Variants in RHEX observed in about 807,000 individuals in gnomAD.
The protein encoded by RHEX is regulator of hemoglobinization and erythroid cell expansion protein.
Under a neutral mutation model 20.1 loss-of-function variants are expected in RHEX, and 18 were observed. The observed-to-expected ratio is 0.90, with a 90% CI of 0.62 to 1.33. RHEX has a LOEUF of 1.33. Among genes scored for constraint, RHEX ranks in the 40% most tolerant of loss-of-function variants. The pLI, the probability that RHEX is intolerant of heterozygous loss-of-function variation, is 0.00. For missense variants in RHEX, 192 were observed against 214.3 expected (o/e 0.90, Z 0.65); for synonymous variants, 87 against 77.1 (o/e 1.13, Z -0.67).
intron 1 of RHEX, among the ~76,000 whole-genome samples, chr1:206,088,478 T>C (rs1329954292): frequency 1.3e-5 from 2 of 151,938 alleles, no homozygotes; most frequent in African/African-American, 2.4e-5. Context: ...AGGCCAGGAG[T>C]TCGAGACCAG....
rs531968000 is a variant in RHEX at position 206,055,169 on chromosome 1, A to G, written c.-97+1904A>G. Among the ~76,000 whole-genome samples the G allele has an allele frequency of 5.2e-5, 8 of 152,386 alleles. No individual in the cohort carries two copies. The East Asian group carries it at 1.2e-3, about 22-fold the overall frequency. On this transcript the variant is annotated intron_variant, in intron 1 of 5. Transcript: ENST00000331555. ...TAAGTCATGCCAAGCTCTCTCTGCT[A>G]TATCCCAAAGTCCCTGCGGGTCAGC...
At position 206,101,899 on chromosome 1, in the gene RHEX, T is replaced by G; in HGVS notation, c.466T>G (p.Phe156Val). 1 of 1,611,812 alleles carries G rather than the reference T, an allele frequency of 6.2e-7. No individual in the cohort carries two copies. ...PERHKPSFWY[F>V]VNPALSEPAE... Reference sequence around the variant, plus strand: ...AAGACACAAGCCCAGTTTCTGGTATTTTGTCAACCCTGCTCTGTCTGAGCC... The same window carrying G: ...AAGACACAAGCCCAGTTTCTGGTATGTTGTCAACCCTGCTCTGTCTGAGCC... Residue 156 changes from phenylalanine (F) to valine (V), a missense_variant, in exon 6 of 6, where the codon TTT becomes GTT. By Grantham distance (50) the Phe-to-Val change is conservative. Coordinates refer to ENST00000331555, the MANE Select transcript of RHEX (RefSeq NM_001007544.4).
intron 1 of RHEX, among the ~76,000 whole-genome samples, chr1:206,086,431 C>A (rs61815544): frequency 0.011 from 1,694 of 152,240 alleles, 16 homozygotes; most frequent in Non-Finnish European, 0.015. Flanking sequence ...CAACCTCCCA[C>A]CCCTGCCTTT....
intron 1 of RHEX, among the ~76,000 whole-genome samples, chr1:206,081,447 A>T (rs1260930967): frequency 6.6e-6 from 1 of 152,212 alleles, no homozygotes; most frequent in Admixed American, 6.5e-5. Context: ...TTACAATGAG[A>T]TATAAGAAAA....
chr1:206,093,619 A>C (rs1553287321), intron 1 of RHEX, among the ~76,000 whole-genome samples: 1 of 152,032 alleles, frequency 6.6e-6, no homozygotes, highest in East Asian at 1.9e-4. Context: ...ATCTTGTTTT[A>C]AACCGTTCTT....
At position 206,099,681 on chromosome 1, in the gene RHEX, G is replaced by A. The variant is rs115353955; in HGVS notation, c.139G>A (p.Ala47Thr). 2.0e-3 allele frequency: 3,273 copies of A among 1,614,080 alleles called. 63 individuals are homozygous for A. The African/African-American group carries it at 0.038, about 19-fold the overall frequency. ...MAHKSEQILK[A>T]ASLQVPRPSP... is the part of the protein sequence containing the mutation. ...CCACAAGAGTGAACAGATACTGAAAGCGGCCAGTCTCCAGGTTCCCAGGCC... is the reference window on the plus strand; with the variant it reads ...CCACAAGAGTGAACAGATACTGAAAACGGCCAGTCTCCAGGTTCCCAGGCC... The change falls in exon 4 of 6, where the codon GCG becomes ACG. Residue 47 changes from alanine to threonine, a missense_variant. Transcript: ENST00000331555.
intron 1 of RHEX, among the ~76,000 whole-genome samples, chr1:206,055,367 G>A (rs1553282458): frequency 6.6e-6 from 1 of 152,256 alleles, no homozygotes; most frequent in Non-Finnish European, 1.5e-5. Context: ...ATGTGTGATG[G>A]TATTGTCGTG....
intron 1 of RHEX, among the ~76,000 whole-genome samples, chr1:206,081,734 T>C (rs1204699603): frequency 5.3e-5 from 8 of 152,218 alleles, no homozygotes; most frequent in African/African-American, 1.7e-4. Context: ...CCTATGATCT[T>C]GTGAATCTTG....
chr1:206,072,201 A>C (rs937041933), intron 1 of RHEX, among the ~76,000 whole-genome samples: 26 of 152,348 alleles, frequency 1.7e-4, no homozygotes, highest in African/African-American at 5.3e-4. Flanking sequence ...AAGAAAGGAC[A>C]CATTCAATGT....
intron 1 of RHEX, among the ~76,000 whole-genome samples, chr1:206,070,681 G>C (rs1662508166): frequency 6.6e-6 from 1 of 152,160 alleles, no homozygotes; most frequent in African/African-American, 2.4e-5. Context: ...CTGGCGCCTG[G>C]TGACCATAAA....
rs1280931223 is a variant in RHEX at position 206,067,710 on chromosome 1, C to T, written c.-97+14445C>T. On this transcript the variant is annotated intron_variant, in intron 1 of 5. Coordinates refer to ENST00000331555, the MANE Select transcript of RHEX (RefSeq NM_001007544.4). The surrounding 1 kb of genome is among the most constrained non-coding windows in gnomAD (Gnocchi z 4.6). ...AGCACAACCTCATTCTGCACATACC[C>T]CCTCCAGTACAACCCTAGAAAACTT... 7.9e-5 allele frequency among the ~76,000 whole-genome samples: 12 copies of T among 152,186 alleles called. 1 individual carries two copies. The highest frequency in any genetic ancestry group is 1.8e-4 in the Non-Finnish European group (12 of 68,028).
Position 206,102,383 on chromosome 1 carries a change from G to C in RHEX, c.*431G>C, listed in dbSNP as rs1663210770. ...TCTCATGGTTAAATGACTTCCCTTT[G>C]AGCTCTTTAATTATTGGCAATAAAC... is the stretch of plus-strand genomic sequence containing the variant. On this transcript the variant is annotated 3_prime_UTR_variant, in exon 6 of 6. Transcript: ENST00000331555. 6.1e-6 allele frequency: 1 copy of C among 164,466 alleles called. No individual in the cohort carries two copies. Among genetic ancestry groups the C allele is most frequent in the African/African-American group, 2.4e-5 (1 of 41,678 alleles). The allele number at this position is 164,466 out of a possible 1,614,324, so 10.2% of individuals were successfully genotyped here.
intron 1 of RHEX, among the ~76,000 whole-genome samples, chr1:206,070,701 G>T (rs1480341763): frequency 1.3e-5 from 2 of 152,114 alleles, no homozygotes; most frequent in African/African-American, 4.8e-5. Context: ...AAAGCAGACT[G>T]CCTTTAGTTG....
intron 1 of RHEX, among the ~76,000 whole-genome samples, chr1:206,068,046 C>T (rs1212105910): frequency 6.6e-5 from 10 of 152,158 alleles, no homozygotes; most frequent in South Asian, 2.1e-4. Flanking sequence ...TGTGCTTCTG[C>T]GTCTTTTCTA....
intron 1 of RHEX, among the ~76,000 whole-genome samples, chr1:206,064,388 TG>T (rs1387474295): frequency 1.6e-5 from 1 of 61,158 alleles, no homozygotes; most frequent in African/African-American, 6.4e-5. Context: ...GGGAGGGAGG[TG>T]GGGGGGTCAG....
chr1:206,059,971 G>T lies in RHEX; in HGVS notation c.-97+6706G>T, dbSNP rs181646318. ...TGCCCTCCCCCAGGTACCTAGCACT[G>T]CACATCCTGGTTATCTCTTTTTCTG... On this transcript the variant is annotated intron_variant, in intron 1 of 5. Transcript: ENST00000331555. 1.1e-4 allele frequency among the ~76,000 whole-genome samples: 16 copies of T among 152,224 alleles called. No individual in the cohort carries two copies. In the East Asian group the frequency reaches 2.9e-3, roughly 28 times the overall value.
intron 1 of RHEX, among the ~76,000 whole-genome samples, chr1:206,085,670 G>A (rs1662824139): frequency 6.6e-6 from 1 of 152,096 alleles, no homozygotes; most frequent in Admixed American, 6.6e-5. Flanking sequence ...TGTGACTGGA[G>A]GTGTGGTTTA....
At chr1:206,065,106 C>T (rs1470019792) in intron 1 of RHEX, among the ~76,000 whole-genome samples, 1 of 151,904 alleles carries the variant, frequency 6.6e-6, no homozygotes, top group African/African-American at 2.4e-5. Context: ...ATCACCACTC[C>T]CCAGTCTCAA....
At chr1:206,096,781 G>GTTTTTTTTTTTTTTTT (rs1212622253) in intron 1 of RHEX, among the ~76,000 whole-genome samples, 1 of 132,926 alleles carries the variant, frequency 7.5e-6, no homozygotes. Context: ...TTTTTTTTTG[G>GTTTTTTTTTTTTTTTT]TTTTTTTTTT....
Sources: allele counts gnomAD v4.1 joint callset (sites outside exome capture counted in the v4.1 genomes callset), GRCh38; gene constraint gnomAD v4.1.1; non-coding constraint Gnocchi (gnomAD v3.1); transcripts MANE v1.5; gene names NCBI Gene and HGNC (gene_info 2026-07-23, HGNC 2026-07-21).